The following MAP3K7 variants were observed in gnomAD, a reference collection of about 807,000 sequenced individuals.
MAP3K7 encodes TGF-beta activated kinase 1.
MAP3K7 carries 21 observed loss-of-function variants against 84.8 expected under a neutral mutation model. The observed-to-expected ratio is 0.25, with a 90% CI of 0.18 to 0.36. MAP3K7 has a LOEUF of 0.36. MAP3K7 is among the 10% of genes least tolerant of loss of function. MAP3K7 has a pLI of 1.00. For missense variants in MAP3K7, 503 were observed against 747.7 expected, an observed-to-expected ratio of 0.67 and a Z score of 3.82; for synonymous variants, 241 against 247.7, an observed-to-expected ratio of 0.97 and a Z score of 0.25.
At chr6:90,542,215 G>T (rs1363270355) in intron 12 of MAP3K7, 9 of 981,680 alleles carry the variant, frequency 9.2e-6, no homozygotes, top group African/African-American at 1.7e-5. Flanking sequence ...CCCAAAGGAT[G>T]GGCGGTATTT....
chr6:90,564,376 C>G (rs1240805266), intron 3 of MAP3K7, among the ~76,000 whole-genome samples: 2 of 152,030 alleles, frequency 1.3e-5, no homozygotes, highest in African/African-American at 2.4e-5. Flanking sequence ...GGAGGAAGAT[C>G]TACCAAGCAA....
intron 1 of MAP3K7, among the ~76,000 whole-genome samples, chr6:90,582,088 T>C (rs1267747526): frequency 6.6e-6 from 1 of 152,188 alleles, no homozygotes; most frequent in Non-Finnish European, 1.5e-5. Context: ...GCAACCATTG[T>C]AAATAGTGTC....
At chr6:90,539,374 G>GA (rs997115913) in intron 12 of MAP3K7, among the ~76,000 whole-genome samples, 13 of 151,818 alleles carry the variant, frequency 8.6e-5, no homozygotes, top group African/African-American at 3.1e-4. Context: ...CACAAATAGA[G>GA]AATTTTATTG....
At chr6:90,518,645 A>C in intron 15 of MAP3K7, 83 bp from the exon 16 acceptor site, 1 of 722,418 alleles carries the variant, frequency 1.4e-6, no homozygotes, top group Non-Finnish European at 2.4e-6. Context: ...AGAGACTGTG[A>C]TATATTTTTA....
intron 1 of MAP3K7, among the ~76,000 whole-genome samples, chr6:90,581,162 A>C (rs559754343): frequency 6.6e-5 from 10 of 152,348 alleles, no homozygotes; most frequent in African/African-American, 2.4e-4. Context: ...TCCTTCAGAC[A>C]AGTCATGTTA....
chr6:90,531,181 C>T (rs1378975902), intron 13 of MAP3K7, among the ~76,000 whole-genome samples: 1 of 151,974 alleles, frequency 6.6e-6, no homozygotes, highest in Non-Finnish European at 1.5e-5. Context: ...GAAATTTATC[C>T]CTATATTTAT....
chr6:90,521,293 T>C (rs996529614), intron 14 of MAP3K7, among the ~76,000 whole-genome samples: 8 of 151,478 alleles, frequency 5.3e-5, no homozygotes, highest in African/African-American at 7.3e-5. Flanking sequence ...TGTGTTTCAA[T>C]TGCTAATCAA....
Position 90,568,597 on chromosome 6 carries a change from A to G in MAP3K7, c.258T>C (p.His86=), listed in dbSNP as rs762223558. 6.2e-7 allele frequency: 1 copy of G among 1,609,548 alleles called. No homozygotes were observed. Among genetic ancestry groups the G allele is most frequent in the South Asian group, 1.1e-5 (1 of 89,550 alleles). The change falls in exon 3 of 17, where the codon CAT becomes CAC. Residue 86 remains histidine, a synonymous_variant. Transcript: ENST00000369329. ...CTCCATAAAGCTTTACAATATTAGG[A>G]TGGTTCACACGGGATAACTGCCGAA... ...VELRQLSRVN[H]PNIVKLYGAC...
At chr6:90,585,676 C>CT (rs1426177451) in intron 1 of MAP3K7, among the ~76,000 whole-genome samples, 7 of 152,134 alleles carry the variant, frequency 4.6e-5, no homozygotes, top group Admixed American at 1.3e-4. Context: ...AAAAACGACG[C>CT]TTTAAAGTCA....
intron 12 of MAP3K7, 131 bp downstream of exon 12, chr6:90,544,421 T>A: frequency 1.4e-6 from 1 of 718,066 alleles, no homozygotes; most frequent in Non-Finnish European, 2.5e-6. Flanking sequence ...TCAATCTGTC[T>A]CCCTAATTAC....
chr6:90,581,753 T>A (rs1777278738), intron 1 of MAP3K7, among the ~76,000 whole-genome samples: 1 of 151,920 alleles, frequency 6.6e-6, no homozygotes, highest in Admixed American at 6.5e-5. Flanking sequence ...AAAGAATGTA[T>A]TGATTATTTT....
At position 90,586,862 on chromosome 6, in the gene MAP3K7, A is replaced by C. The variant is rs766181895; in HGVS notation, c.22T>G (p.Ser8Ala). Residue 8 changes from serine (S) to alanine (A), a missense_variant, in exon 1 of 17, where the codon TCC becomes GCC. This residue lies in a region of MAP3K7 where 41 missense variants were observed against 41.4 expected (regional missense o/e 0.99). Transcript: ENST00000369329. MSTASAA[S>A]SSSSSSAGEM... Reference sequence around the variant, plus strand: ...CCGGCCGAAGACGAGGAGGAGGAGGAGGCGGCAGAGGCTGTAGACATGATC... The same window carrying C: ...CCGGCCGAAGACGAGGAGGAGGAGGCGGCGGCAGAGGCTGTAGACATGATC... 5.3e-5 allele frequency: 85 copies of C among 1,610,078 alleles called. No homozygotes were observed. The highest frequency in any genetic ancestry group is 4.2e-4 in the Admixed American group (25 of 59,694).
chr6:90,562,235 T>C (rs947790717), intron 3 of MAP3K7, among the ~76,000 whole-genome samples: 1 of 152,138 alleles, frequency 6.6e-6, no homozygotes, highest in Non-Finnish European at 1.5e-5. Flanking sequence ...TGTCAGACAG[T>C]GGGTGCAGCC....
In MAP3K7 at chr6:90,544,437, G is replaced by A. The variant is rs185988528; in HGVS notation, c.1291+115C>T. ...CAATCTGTCTCCCTAATTACTGCAT[G>A]CAAGGTATCCATTTTCATGTCTTGT... On this transcript the variant is annotated intron_variant, in intron 12 of 16. Transcript: ENST00000369329. 1.6e-4 allele frequency: 137 copies of A among 850,082 alleles called. No homozygotes were observed. The African/African-American group carries it at 1.7e-3, about 11-fold the overall frequency. 52.7% of individuals were successfully genotyped at this position (850,082 alleles called of 1,614,324 possible). A position where few individuals can be genotyped will look rare whatever the true frequency, so the allele number is the denominator to read the frequency against.
At chr6:90,562,442 G>A (rs571602512) in intron 3 of MAP3K7, among the ~76,000 whole-genome samples, 34 of 152,318 alleles carry the variant, frequency 2.2e-4, no homozygotes, top group Admixed American at 8.5e-4. Flanking sequence ...CACCTGGCTC[G>A]GAGGGTCCCA....
chr6:90,552,811 G>C (rs1256935430), intron 7 of MAP3K7, among the ~76,000 whole-genome samples: 1 of 152,176 alleles, frequency 6.6e-6, no homozygotes, highest in Non-Finnish European at 1.5e-5. Flanking sequence ...CAGATGCAAG[G>C]ACATTGAGTC....
chr6:90,530,759 G>A (rs1775482746), intron 13 of MAP3K7, among the ~76,000 whole-genome samples: 1 of 151,988 alleles, frequency 6.6e-6, no homozygotes, highest in African/African-American at 2.4e-5. Flanking sequence ...ATAATACAAG[G>A]CATAAATAAG....
chr6:90,579,215 T>C (rs974799775), intron 1 of MAP3K7, among the ~76,000 whole-genome samples: 10 of 152,218 alleles, frequency 6.6e-5, no homozygotes, highest in Non-Finnish European at 1.2e-4. Context: ...AATCAGATTT[T>C]AGCTGTTTAG....
intron 14 of MAP3K7, among the ~76,000 whole-genome samples, chr6:90,523,415 C>T (rs1226642411): frequency 6.6e-6 from 1 of 151,070 alleles, no homozygotes; most frequent in Non-Finnish European, 1.5e-5. Context: ...CAATACGCTT[C>T]GCAACTGGAA....
Sources: allele counts gnomAD v4.1 joint callset (sites outside exome capture counted in the v4.1 genomes callset), GRCh38; gene constraint gnomAD v4.1.1; regional missense constraint gnomAD v4.1.1; transcripts MANE v1.5; gene names NCBI Gene and HGNC (gene_info 2026-07-23, HGNC 2026-07-21).